ACAP1: variants seen among roughly 807,000 people sequenced by gnomAD.
ACAP1 encodes arf-GAP with coiled-coil, ANK repeat and PH domain-containing protein 1.
A neutral mutation model predicts 98.8 loss-of-function variants in ACAP1; 45 were observed. The ratio of observed to expected loss-of-function variants is 0.46; its 90% CI spans 0.36 to 0.58. The LOEUF is 0.58. ACAP1 is among the 20% of genes least tolerant of loss of function. The probability of loss-of-function intolerance (pLI) is 0.00; values close to 1 mark genes in which losing one functional copy is unlikely to be tolerated. For synonymous variants in ACAP1, 362 were observed against 375.3 expected (o/e 0.96, Z 0.41); for missense variants, 735 against 971.4 (o/e 0.76, Z 3.24).
At position 7,347,115 on chromosome 17, in the gene ACAP1, C is replaced by A; in HGVS notation, c.1216C>A (p.His406Asn). Reference sequence around the variant, plus strand: ...GGGAAGGGAGCCTGGGGGAGTCGGGCACGTGGTGGCCCAGGTCCAGAGTGT... The same window carrying A: ...GGGAAGGGAGCCTGGGGGAGTCGGGAACGTGGTGGCCCAGGTCCAGAGTGT... ...ARGREPGGVG[H>N]VVAQVQSVDG... is the part of the protein sequence containing the mutation. The change falls in exon 14 of 22, where the codon CAC becomes AAC. Residue 406 changes from histidine (H) to asparagine (N), a missense_variant. His to Asn is a moderately conservative substitution (Grantham distance 68, BLOSUM62 1). Transcript: ENST00000158762. The A allele has an allele frequency of 6.2e-7, 1 of 1,613,800 alleles. No individual in the cohort carries two copies. Among genetic ancestry groups the A allele is most frequent in the South Asian group, 1.1e-5 (1 of 91,054 alleles).
In ACAP1 at chr17:7,344,177, T is replaced by G; in HGVS notation, c.744+54T>G. Reference sequence around the variant, plus strand: ...CCGTCATCCCAACATGTTGGGAGGCTGAGGTGGGAAGATTGCTTGAGGCCT... The same window carrying G: ...CCGTCATCCCAACATGTTGGGAGGCGGAGGTGGGAAGATTGCTTGAGGCCT... On this transcript the variant is annotated intron_variant, in intron 9 of 21. Transcript: ENST00000158762. This position sits in a 1 kb window ranked among gnomAD's most constrained non-coding sequence, Gnocchi z 4.9. 6.6e-7 allele frequency: 1 copy of G among 1,524,534 alleles called. No individual in the cohort carries two copies. Among genetic ancestry groups the G allele is most frequent in the Non-Finnish European group, 8.9e-7 (1 of 1,123,158 alleles). The allele number at this position is 1,524,534 out of a possible 1,614,324, so 94.4% of individuals were successfully genotyped here.
chr17:7,350,969 A>G lies in ACAP1; in HGVS notation c.2092A>G (p.Arg698Gly). 6.2e-7 allele frequency: 1 copy of G among 1,614,112 alleles called. No homozygotes were observed. ...IVTLLRLAKMREAEAAQGQAG... is the reference protein window; with the variant it reads ...IVTLLRLAKMGEAEAAQGQAG... Reference sequence around the variant, plus strand: ...CTTCAGGCTACGACTGGCAAAGATGAGGGAGGCTGAAGCGGCCCAGGGGCA... The same window carrying G: ...CTTCAGGCTACGACTGGCAAAGATGGGGGAGGCTGAAGCGGCCCAGGGGCA... The change falls in exon 21 of 22, where the codon AGG becomes GGG. Residue 698 changes from arginine to glycine, a missense_variant. Around this residue, in one of 5 missense-constraint regions of ACAP1, gnomAD observed 142 missense variants for 224.1 expected, o/e 0.63. Coordinates refer to ENST00000158762, the MANE Select transcript of ACAP1 (RefSeq NM_014716.4). The surrounding 1 kb of genome is among the most constrained non-coding windows in gnomAD (Gnocchi z 4.6).
chr17:7,337,619 CA>C (rs2073234361), intron 2 of ACAP1, among the ~76,000 whole-genome samples: 5 of 152,246 alleles, frequency 3.3e-5, no homozygotes, highest in Middle Eastern at 3.4e-3. Context: ...TTTGGGAGGC[CA>C]AGGTGAATGG....
chr17:7,342,567 A>G, intron 5 of ACAP1, 93 bp downstream of exon 5: 2 of 1,384,042 alleles, frequency 1.4e-6, no homozygotes, highest in Non-Finnish European at 2.0e-6. Flanking sequence ...GGAGTTGGAC[A>G]CCAACCTAGC....
rs1163980109 is a variant in ACAP1 at position 7,347,925 on chromosome 17, C to A, written c.1347C>A (p.Ser449Arg). 22 of 1,614,124 alleles carry A rather than the reference C, an allele frequency of 1.4e-5. No homozygotes were observed. Among genetic ancestry groups the A allele is most frequent in the Non-Finnish European group, 1.8e-5 (21 of 1,179,960 alleles). Residue 449 changes from serine to arginine, a missense_variant, in exon 15 of 22, where the codon AGC becomes AGA. Around this residue, in one of 5 missense-constraint regions of ACAP1, gnomAD observed 81 missense variants for 132.0 expected, o/e 0.61. Coordinates refer to ENST00000158762, the MANE Select transcript of ACAP1 (RefSeq NM_014716.4). ...CCCTCCCCCTCTGGCCCTCCAGGAG[C>A]CTTGGTGTTCACTTCTCCAAAGTCC... The part of the protein sequence containing the change: ...LCIQCSGIHR[S>R]LGVHFSKVRS...
intron 21 of ACAP1, 87 bp from the exon 22 acceptor site, chr17:7,351,208 C>T: frequency 8.1e-7 from 1 of 1,239,566 alleles, no homozygotes; most frequent in Non-Finnish European, 1.1e-6. Context: ...GCTCGGAGCG[C>T]GAGGTCCCCA....
At position 7,344,633 on chromosome 17, in the gene ACAP1, T is replaced by C; in HGVS notation, c.839T>C (p.Phe280Ser). 6.4e-7 allele frequency: 1 copy of C among 1,551,396 alleles called. No homozygotes were observed. The highest frequency in any genetic ancestry group is 8.7e-7 in the Non-Finnish European group (1 of 1,146,876). Residue 280 changes from phenylalanine (F) to serine (S), a missense_variant, in exon 10 of 22, where the codon TTT (phenylalanine) becomes TCT (serine). Coordinates refer to ENST00000158762, the MANE Select transcript of ACAP1 (RefSeq NM_014716.4). The surrounding 1 kb of genome is among the most constrained non-coding windows in gnomAD (Gnocchi z 4.9). ...GHLFKRASNA[F>S]KTWSRRWFTI... ...CTCTTCAAACGGGCCAGCAACGCAT[T>C]TAAGACCTGGAGCAGGTGAGGAGAG... is the stretch of plus-strand genomic sequence containing the variant.
rs545996970 is a variant in ACAP1, at chr17:7,348,056, A to G, written c.1413+65A>G. 13 of 1,610,390 alleles carry G rather than the reference A, an allele frequency of 8.1e-6. No homozygotes were observed. In the African/African-American group the frequency reaches 1.1e-4, roughly 13 times the overall value. On this transcript the variant is annotated intron_variant, in intron 15 of 21. Coordinates refer to ENST00000158762, the MANE Select transcript of ACAP1 (RefSeq NM_014716.4). ...GGGTGGGGCAAGGACATGGCGGTGCAGGGGCGTGATCCCTGAGGAGTCACT... is the reference window on the plus strand; with the variant it reads ...GGGTGGGGCAAGGACATGGCGGTGCGGGGGCGTGATCCCTGAGGAGTCACT...
At chr17:7,348,810 G>A (rs557288939) in intron 17 of ACAP1, 185 bp from the exon 18 acceptor site, 3 of 616,448 alleles carry the variant, frequency 4.9e-6, no homozygotes, top group African/African-American at 3.7e-5. Context: ...ACACCCTAGG[G>A]ACTCGTACAC....
Position 7,342,491 on chromosome 17 carries a change from C to A in ACAP1, c.344+17C>A, listed in dbSNP as rs375633532. ...GGTCAAGGAGTGAGATGGGGCCGGG[C>A]GCAGTGGCTCATGCCTGTAATCCCA... On this transcript the variant is annotated intron_variant, in intron 5 of 21. Transcript: ENST00000158762. 10 of 1,613,642 alleles carry A rather than the reference C, an allele frequency of 6.2e-6. No homozygotes were observed. In the African/African-American group the frequency reaches 9.3e-5, roughly 15 times the overall value.
chr17:7,341,572 G>A (rs1463324393), intron 2 of ACAP1, among the ~76,000 whole-genome samples: 1 of 152,204 alleles, frequency 6.6e-6, no homozygotes, highest in Non-Finnish European at 1.5e-5. Flanking sequence ...CAACCAGGTA[G>A]AGCATCCAGA....
At chr17:7,349,794 T>C in intron 18 of ACAP1, 151 bp from the exon 19 acceptor site, 1 of 638,286 alleles carries the variant, frequency 1.6e-6, no homozygotes, top group South Asian at 2.1e-5. Context: ...GAGCCAAGCC[T>C]AGCTTGGTTA....
In ACAP1 at chr17:7,350,585, G is replaced by T. The variant is rs947058264; in HGVS notation, c.2072+348G>T. 2.3e-6 allele frequency: 1 copy of T among 435,512 alleles called. No individual in the cohort carries two copies. The highest frequency in any genetic ancestry group is 2.0e-5 in the African/African-American group (1 of 49,628). 27.0% of individuals were successfully genotyped at this position (435,512 alleles called of 1,614,324 possible). A position where few individuals can be genotyped will look rare whatever the true frequency, so the allele number is the denominator to read the frequency against. On this transcript the variant is annotated intron_variant, in intron 20 of 21. Transcript: ENST00000158762. The surrounding 1 kb of genome is among the most constrained non-coding windows in gnomAD (Gnocchi z 4.6). ...GAACGCAACCCAGCTCAAAGGATGG[G>T]AAGTTGTGGGGGAGGTGAGGATAGT... is the stretch of plus-strand genomic sequence containing the variant.
intron 18 of ACAP1, 196 bp downstream of exon 18, chr17:7,349,363 C>A: frequency 1.7e-6 from 1 of 572,044 alleles, no homozygotes; most frequent in Non-Finnish European, 3.0e-6. Flanking sequence ...CCCAGGCTCT[C>A]ACCTCTTACA....
At position 7,350,008 on chromosome 17, in the gene ACAP1, G is replaced by A; in HGVS notation, c.1915G>A (p.Ala639Thr). ...NGANVNQADSAGRGPLHHATI... is the reference protein window; with the variant it reads ...NGANVNQADSTGRGPLHHATI... Reference sequence around the variant, plus strand: ...GGCGAACGTGAACCAAGCGGACAGTGCGGGCCGGGGCCCGCTGCACCACGC... The same window carrying A: ...GGCGAACGTGAACCAAGCGGACAGTACGGGCCGGGGCCCGCTGCACCACGC... Residue 639 changes from alanine (A) to threonine (T), a missense_variant, in exon 19 of 22, where the codon GCG becomes ACG. Transcript: ENST00000158762. The surrounding 1 kb of genome is among the most constrained non-coding windows in gnomAD (Gnocchi z 4.6). 1.2e-6 allele frequency: 2 copies of A among 1,613,714 alleles called. No homozygotes were observed. The highest frequency in any genetic ancestry group is 1.7e-6 in the Non-Finnish European group (2 of 1,179,654).
chr17:7,340,906 C>A (rs2073269392), intron 2 of ACAP1, among the ~76,000 whole-genome samples: 1 of 152,124 alleles, frequency 6.6e-6, no homozygotes, highest in African/African-American at 2.4e-5. Context: ...ATATCCAACT[C>A]CTGACCTCAG....
intron 13 of ACAP1, 33 bp from the exon 14 acceptor site, chr17:7,346,998 C>T (rs752669962): frequency 7.6e-6 from 12 of 1,570,608 alleles, no homozygotes; most frequent in African/African-American, 1.3e-5. Flanking sequence ...CCCTAGGCCC[C>T]TTGGCCACCC....
intron 18 of ACAP1, chr17:7,349,723 A>G: frequency 2.1e-6 from 1 of 483,162 alleles, no homozygotes; most frequent in Non-Finnish European, 3.7e-6. Context: ...CATCTGTAAA[A>G]TAGTAACATA....
intron 2 of ACAP1, among the ~76,000 whole-genome samples, chr17:7,339,811 A>G (rs1239272278): frequency 2.0e-5 from 3 of 152,170 alleles, no homozygotes; most frequent in African/African-American, 4.8e-5. Context: ...ATTCCTTTAC[A>G]GTGGTACCCG....
Sources: gnomAD v4.1 joint callset for allele counts (sites outside exome capture counted in the v4.1 genomes callset) on GRCh38, gnomAD v4.1.1 for gene constraint, gnomAD v4.1.1 regional missense constraint, Gnocchi (gnomAD v3.1) non-coding constraint, MANE v1.5 for transcripts, NCBI Gene and HGNC (gene_info 2026-07-23, HGNC 2026-07-21) for gene names.